The following SLC5A12 variants were observed in gnomAD, a reference collection of about 807,000 sequenced individuals.
The protein encoded by SLC5A12 is sodium-coupled monocarboxylate transporter 2.
SLC5A12 carries 46 observed loss-of-function variants against 72.7 expected under a neutral mutation model. The ratio of observed to expected loss-of-function variants is 0.63; its 90% confidence interval spans 0.50 to 0.81. The LOEUF (loss-of-function observed/expected upper bound fraction) is 0.81, where lower values mean the gene tolerates loss of function less well. Ranked by LOEUF, SLC5A12 falls within the 30% of genes least tolerant of loss-of-function variation. SLC5A12 has a pLI of 0.00. For synonymous variants in SLC5A12, 275 were observed against 264.4 expected, an observed-to-expected ratio of 1.04 and a Z score of -0.39; for missense variants, 683 against 740.7, an observed-to-expected ratio of 0.92 and a Z score of 0.90.
At chr11:26,693,237 G>A (rs933225047) in intron 8 of SLC5A12, among the ~76,000 whole-genome samples, 1 of 152,160 alleles carries the variant, frequency 6.6e-6, no homozygotes, top group South Asian at 2.1e-4. Flanking sequence ...GATAGGCACT[G>A]GGAAAATCCA....
chr11:26,691,214 T>G (rs185662371), intron 9 of SLC5A12, among the ~76,000 whole-genome samples: 1 of 152,104 alleles, frequency 6.6e-6, no homozygotes, highest in Admixed American at 6.5e-5. Flanking sequence ...AGACATAAAT[T>G]AAAGCAAAAA....
chr11:26,702,965 C>G lies in SLC5A12; in HGVS notation c.821+566G>C, dbSNP rs1049569970. ...GGATAGACCAAGTAAGACAACTGTA[C>G]AGCTGTAACCAATCAAATACTTGCT... On this transcript the variant is annotated intron_variant, in intron 6 of 14. Transcript: ENST00000396005. Among the ~76,000 whole-genome samples the G allele has an allele frequency of 2.0e-5, 3 of 152,202 alleles. No homozygotes were observed. In the East Asian group the frequency reaches 5.8e-4, roughly 29 times the overall value.
intron 6 of SLC5A12, among the ~76,000 whole-genome samples, chr11:26,703,091 C>T (rs1854997975): frequency 6.6e-6 from 1 of 152,156 alleles, no homozygotes; most frequent in African/African-American, 2.4e-5. Flanking sequence ...TCATAAATCA[C>T]TGTTCATTCA....
At chr11:26,710,021 C>T (rs1279843662) in intron 3 of SLC5A12, among the ~76,000 whole-genome samples, 5 of 152,076 alleles carry the variant, frequency 3.3e-5, no homozygotes, top group African/African-American at 1.2e-4. Flanking sequence ...CCCCTAGCCC[C>T]CTACCCACCC....
At chr11:26,717,324 G>GA in intron 1 of SLC5A12, among the ~76,000 whole-genome samples, 1 of 151,768 alleles carries the variant, frequency 6.6e-6, no homozygotes, top group Admixed American at 6.6e-5. Flanking sequence ...AAATATGAGA[G>GA]AACAGGTAGA....
At chr11:26,705,672 T>C (rs1313728220) in intron 4 of SLC5A12, among the ~76,000 whole-genome samples, 1 of 152,086 alleles carries the variant, frequency 6.6e-6, no homozygotes, top group Non-Finnish European at 1.5e-5. Context: ...AGCACTAGCT[T>C]AATTTTCTTA....
At chr11:26,706,957 C>T (rs543246013) in intron 4 of SLC5A12, among the ~76,000 whole-genome samples, 3 of 151,680 alleles carry the variant, frequency 2.0e-5, no homozygotes, top group African/African-American at 7.2e-5. Context: ...ATTTTCTTAT[C>T]AATTTTTCTG....
At chr11:26,675,731 A>G (rs1854249604) in intron 13 of SLC5A12, among the ~76,000 whole-genome samples, 1 of 152,152 alleles carries the variant, frequency 6.6e-6, no homozygotes. Flanking sequence ...CCATGAGCAG[A>G]ATGCAACCTA....
intron 6 of SLC5A12, among the ~76,000 whole-genome samples, chr11:26,700,006 C>T (rs1854920531): frequency 6.6e-6 from 1 of 152,030 alleles, no homozygotes; most frequent in South Asian, 2.1e-4. Context: ...TACCATTGGA[C>T]CTGGAGTTAA....
At chr11:26,674,546 C>T (rs960254632) in intron 13 of SLC5A12, among the ~76,000 whole-genome samples, 4 of 151,936 alleles carry the variant, frequency 2.6e-5, no homozygotes, top group African/African-American at 7.3e-5. Context: ...ACTACAGGCA[C>T]GAACTACCAT....
intron 4 of SLC5A12, 87 bp from the exon 5 acceptor site, chr11:26,704,034 C>A: frequency 7.1e-7 from 1 of 1,404,404 alleles, no homozygotes; most frequent in Non-Finnish European, 9.9e-7. Context: ...TGCATGCATG[C>A]ATTCTTTTGT....
Position 26,721,389 on chromosome 11 carries a change from G to A in SLC5A12, c.326C>T (p.Thr109Ile). ...AAATCATCTTACCTCATAAGTGCTGGTGATACCAGATCTGTAGAACACAGG... is the reference window on the plus strand; with the variant it reads ...AAATCATCTTACCTCATAAGTGCTGATGATACCAGATCTGTAGAACACAGG... ...FLPVFYRSGI[T>I]STYEYLQLRF... The change falls in exon 1 of 15, where the codon ACC (threonine) becomes ATC (isoleucine). Residue 109 changes from threonine (T) to isoleucine (I), a missense_variant. Thr to Ile is a moderately conservative substitution (Grantham distance 89, BLOSUM62 -1). Transcript: ENST00000396005. The A allele has an allele frequency of 6.2e-7, 1 of 1,610,126 alleles. No individual in the cohort carries two copies. Among genetic ancestry groups the A allele is most frequent in the South Asian group, 1.1e-5 (1 of 90,668 alleles).
At chr11:26,716,461 T>C (rs1855351405) in intron 1 of SLC5A12, 1 of 152,234 alleles carries the variant, frequency 6.6e-6, no homozygotes, top group Non-Finnish European at 1.5e-5. Flanking sequence ...TCACCTTTGG[T>C]GTATATATAA....
At chr11:26,671,355 T>G in intron 14 of SLC5A12, 104 bp from the exon 15 acceptor site, 3 of 920,530 alleles carry the variant, frequency 3.3e-6, no homozygotes, top group Non-Finnish European at 1.6e-6. Context: ...ATTATATATA[T>G]GTACAAAAGA....
chr11:26,682,492 T>A (rs1312482919), intron 11 of SLC5A12, among the ~76,000 whole-genome samples: 1 of 152,040 alleles, frequency 6.6e-6, no homozygotes, highest in Non-Finnish European at 1.5e-5. Context: ...AGAGCCATGA[T>A]TGGTTAGTAG....
At position 26,718,620 on chromosome 11, in the gene SLC5A12, TTGTGTG is replaced by T. The variant is rs10578471; in HGVS notation, c.339+2750_339+2755del. Among the ~76,000 whole-genome samples, 934 of 149,706 alleles carry T rather than the reference TTGTGTG, an allele frequency of 6.2e-3. 20 individuals carry two copies. Among genetic ancestry groups the T allele is most frequent in the Admixed American group, 0.014 (215 of 14,972 alleles). On this transcript the variant is annotated intron_variant, in intron 1 of 14. Transcript: ENST00000396005. ...TGTGCGCCACCATGCCTGGCTAATTTTGTGTGTGTGTGTGTGTGTGTGTGTGTGTGT... is the reference window on the plus strand; with the variant it reads ...TGTGCGCCACCATGCCTGGCTAATTTTGTGTGTGTGTGTGTGTGTGTGTGT...
At chr11:26,683,657 G>C (rs892180560) in intron 11 of SLC5A12, 100 bp downstream of exon 11, 4 of 948,538 alleles carry the variant, frequency 4.2e-6, no homozygotes, top group Non-Finnish European at 6.5e-6. Context: ...TCTTTTCCTG[G>C]CTAAGACAGA....
chr11:26,672,477 A>T (rs998222807), intron 14 of SLC5A12, among the ~76,000 whole-genome samples: 4 of 152,080 alleles, frequency 2.6e-5, no homozygotes, highest in African/African-American at 4.8e-5. Context: ...CAGTCATCAA[A>T]TGCTGTAACA....
At chr11:26,700,713 G>T (rs763139486) in intron 6 of SLC5A12, among the ~76,000 whole-genome samples, 1 of 152,050 alleles carries the variant, frequency 6.6e-6, no homozygotes, top group African/African-American at 2.4e-5. Context: ...ATAAACAAGG[G>T]ATTAGAAACA....
Sources: gnomAD v4.1 joint callset for allele counts (sites outside exome capture counted in the v4.1 genomes callset) on GRCh38, gnomAD v4.1.1 for gene constraint, MANE v1.5 for transcripts, NCBI Gene and HGNC (gene_info 2026-07-23, HGNC 2026-07-21) for gene names.